Variants in POLR1E observed in about 807,000 individuals in gnomAD.
POLR1E encodes the protein DNA-directed RNA polymerase I subunit RPA49.
A neutral mutation model predicts 50.9 loss-of-function variants in POLR1E; 37 were observed. The observed-to-expected ratio is 0.73, with a 90% confidence interval of 0.56 to 0.96. The LOEUF (loss-of-function observed/expected upper bound fraction) is 0.96. Among genes scored for constraint, POLR1E ranks in the 40% least tolerant of loss-of-function variants. The pLI, the probability that POLR1E is intolerant of heterozygous loss-of-function variation, is 0.00. For missense variants in POLR1E, 426 were observed against 518.1 expected, an observed-to-expected ratio of 0.82 and a Z score of 1.73; for synonymous variants, 166 against 191.6, an observed-to-expected ratio of 0.87 and a Z score of 1.10.
Position 37,487,850 on chromosome 9 carries a change from C to T in POLR1E, c.181-13C>T, listed in dbSNP as rs1467853182. On this transcript the variant is annotated splice_polypyrimidine_tract_variant and intron_variant, in intron 2 of 11. Transcript: ENST00000377798. ...ATTGGTTGTAAATGGAGTTTCCCCT[C>T]TCTGCATTTTAGGCAGCTGAAACAG... 7 of 1,613,504 alleles carry T rather than the reference C, an allele frequency of 4.3e-6. No homozygotes were observed. Among genetic ancestry groups the T allele is most frequent in the African/African-American group, 1.3e-5 (1 of 74,912 alleles).
At chr9:37,486,570 G>A in intron 1 of POLR1E, 133 bp from the exon 2 acceptor site, 1 of 1,605,258 alleles carries the variant, frequency 6.2e-7, no homozygotes, top group Non-Finnish European at 8.5e-7. Context: ...GTTCCCTTTG[G>A]GTCAGGACCC....
At chr9:37,492,433 G>C in intron 4 of POLR1E, 1 of 914,278 alleles carries the variant, frequency 1.1e-6, no homozygotes. Flanking sequence ...AAGAGGTTGG[G>C]CTGGATGACC....
chr9:37,490,949 T>C, intron 4 of POLR1E: 2 of 383,196 alleles, frequency 5.2e-6, no homozygotes, highest in Non-Finnish European at 9.9e-6. Context: ...TTCTTAATTC[T>C]TAACTGTTAT....
In POLR1E at chr9:37,503,284, T is replaced by C. The variant is rs1224845644; in HGVS notation, c.*82T>C. On this transcript the variant is annotated 3_prime_UTR_variant, in exon 12 of 12. Transcript: ENST00000377798. ...TTCATTTCCATTTTTATGTATGTTT[T>C]GAAAAGAAAAGGTCCGGGGATGGTG... 5 of 1,483,624 alleles carry C rather than the reference T, an allele frequency of 3.4e-6. No individual in the cohort carries two copies. Among genetic ancestry groups the C allele is most frequent in the Admixed American group, 4.7e-5 (2 of 42,508 alleles). 91.9% of individuals were successfully genotyped at this position (1,483,624 alleles called of 1,614,324 possible).
At chr9:37,488,012 C>T (rs10758432) in intron 3 of POLR1E, 73 bp downstream of exon 3, 244,770 of 1,475,248 alleles carry the variant, frequency 0.17, 22,544 homozygotes, top group Admixed American at 0.28. Context: ...ACTGCTGTTT[C>T]CTGTCTGTTT....
chr9:37,491,717 G>T (rs748130752), intron 4 of POLR1E, among the ~76,000 whole-genome samples: 7 of 152,090 alleles, frequency 4.6e-5, no homozygotes, highest in Non-Finnish European at 8.8e-5. Context: ...ACCCACCTTG[G>T]TCTCTCAAAG....
chr9:37,501,351 T>G (rs959380067), intron 10 of POLR1E, among the ~76,000 whole-genome samples: 14 of 152,308 alleles, frequency 9.2e-5, no homozygotes, highest in Non-Finnish European at 1.9e-4. Context: ...TGCTCTTGAG[T>G]GTGCTTGGAA....
At chr9:37,491,844 A>G (rs1820690370) in intron 4 of POLR1E, among the ~76,000 whole-genome samples, 1 of 152,198 alleles carries the variant, frequency 6.6e-6, no homozygotes, top group Non-Finnish European at 1.5e-5. Context: ...TGCTTTGCAA[A>G]CATATATAAC....
At chr9:37,502,221 G>A (rs981116421) in intron 11 of POLR1E, among the ~76,000 whole-genome samples, 2 of 152,188 alleles carry the variant, frequency 1.3e-5, no homozygotes, top group Non-Finnish European at 2.9e-5. Flanking sequence ...TCTCTGAATT[G>A]CTGTCACAGG....
chr9:37,487,810 T>C (rs888859576), intron 2 of POLR1E, 53 bp from the exon 3 acceptor site: 1 of 1,526,044 alleles, frequency 6.6e-7, no homozygotes, highest in Non-Finnish European at 9.1e-7. Context: ...GAAATGATGC[T>C]TAATACCTTT....
chr9:37,492,678 TG>T lies in POLR1E; in HGVS notation c.367del (p.Ala123ArgfsTer2), dbSNP rs2119005680. On this transcript the variant is annotated frameshift_variant, in exon 5 of 12. Coordinates refer to ENST00000377798, the MANE Select transcript of POLR1E (RefSeq NM_022490.4). LOFTEE classifies it high-confidence loss of function. ...LFSDVSVESE[L>X]ALESQTKTYR... ...ATAGATGTATCAGTTGAGAGTGAAC[TG>T]GCGCTAGAGAGTCAGACCAAAACTT... 6.2e-7 allele frequency: 1 copy of T among 1,614,088 alleles called. No individual in the cohort carries two copies. The highest frequency in any genetic ancestry group is 8.5e-7 in the Non-Finnish European group (1 of 1,179,944).
At chr9:37,489,693 C>T (rs1373596575) in intron 4 of POLR1E, among the ~76,000 whole-genome samples, 1 of 152,044 alleles carries the variant, frequency 6.6e-6, no homozygotes, top group Admixed American at 6.6e-5. Context: ...CCTACCTCAG[C>T]CTCCCGAGTA....
chr9:37,497,255 T>C (rs943958126), intron 8 of POLR1E, among the ~76,000 whole-genome samples: 11 of 152,340 alleles, frequency 7.2e-5, no homozygotes, highest in African/African-American at 2.4e-4. Context: ...CTCAGGAGAC[T>C]GAGGCAGGAG....
Position 37,503,192 on chromosome 9 carries a change from A to G in POLR1E, c.1250A>G (p.Lys417Arg). ...QTSDRLAKRRKIT is the reference protein window; with the variant it reads ...QTSDRLAKRRRIT ...TCAGACCGCCTGGCAAAGCGGAGGA[A>G]GATTACCTAGACGCATGCTTTCCAG... is the stretch of plus-strand genomic sequence containing the variant. The change falls in exon 12 of 12, where the codon AAG becomes AGG. Residue 417 changes from lysine to arginine, a missense_variant. Transcript: ENST00000377798. 6.2e-7 allele frequency: 1 copy of G among 1,609,072 alleles called. No homozygotes were observed. Among genetic ancestry groups the G allele is most frequent in the Non-Finnish European group, 8.5e-7 (1 of 1,178,210 alleles).
chr9:37,497,126 C>T (rs747858859), intron 8 of POLR1E, among the ~76,000 whole-genome samples: 9 of 152,268 alleles, frequency 5.9e-5, no homozygotes, highest in Non-Finnish European at 1.3e-4. Flanking sequence ...GAGACTGAGT[C>T]GGGCAGATCA....
chr9:37,490,581 C>T (rs74341374), intron 4 of POLR1E: 21,877 of 709,590 alleles, frequency 0.031, 449 homozygotes, highest in Middle Eastern at 0.049. Context: ...TTTCTTCACC[C>T]GTTTCATGAA....
rs769701419 is a variant in POLR1E at position 37,492,718 on chromosome 9, G to A, written c.402+3G>A. 7 of 1,613,500 alleles carry A rather than the reference G, an allele frequency of 4.3e-6. No individual in the cohort carries two copies. In the South Asian group the frequency reaches 6.6e-5, roughly 15 times the overall value. On this transcript the variant is annotated splice_donor_region_variant and intron_variant, in intron 5 of 11. Coordinates refer to ENST00000377798, the MANE Select transcript of POLR1E (RefSeq NM_022490.4). ...AGACCAAAACTTACAGAGAAAAGGT[G>A]AGTGTGATAGAATTAAGATGTGGGA...
At chr9:37,490,452 A>G in intron 4 of POLR1E, 1 of 869,682 alleles carries the variant, frequency 1.1e-6, no homozygotes, top group Non-Finnish European at 2.0e-6. Flanking sequence ...AATAGGTTCC[A>G]GCAGCTCAGG....
chr9:37,486,222 C>T (rs1235115230), intron 1 of POLR1E, 99 bp downstream of exon 1: 4 of 1,423,056 alleles, frequency 2.8e-6, no homozygotes, highest in South Asian at 1.4e-5. Flanking sequence ...TTCTCCCCAG[C>T]GGGGCCGGGA....
Sources: gnomAD v4.1 joint callset for allele counts (sites outside exome capture counted in the v4.1 genomes callset) on GRCh38, gnomAD v4.1.1 for gene constraint, MANE v1.5 for transcripts, NCBI Gene and HGNC (gene_info 2026-07-23, HGNC 2026-07-21) for gene names.